The following DHX33 variants were observed in gnomAD, a reference collection of about 807,000 sequenced individuals.
DHX33 encodes the protein ATP-dependent RNA helicase DHX33.
A neutral mutation model predicts 72.5 loss-of-function variants in DHX33; 42 were observed. The ratio of observed to expected loss-of-function variants is 0.58; its 90% CI spans 0.45 to 0.75. DHX33 has a LOEUF of 0.75. DHX33 is among the 30% of genes least tolerant of loss of function. The pLI is 0.00. For synonymous variants in DHX33, 358 were observed against 366.1 expected (o/e 0.98, Z 0.25); for missense variants, 842 against 917.5 (o/e 0.92, Z 1.06).
rs7207405 is a variant in DHX33, at chr17:5,448,763, A to C, written c.1815+46T>G. On this transcript the variant is annotated intron_variant, in intron 11 of 11. Coordinates refer to ENST00000225296, the MANE Select transcript of DHX33 (RefSeq NM_020162.4). ...CAACTTCAAAATTTCTACCTTGAAC[A>C]AAGTGACAGCTTTGTCACCCACAGA... The C allele has an allele frequency of 1.6e-3, 2,316 of 1,461,732 alleles. 35 individuals carry two copies. The African/African-American group carries it at 0.03, about 19-fold the overall frequency. 90.5% of individuals were successfully genotyped at this position (1,461,732 alleles called of 1,614,324 possible).
At chr17:5,457,127 T>A (rs1350885541) in intron 4 of DHX33, among the ~76,000 whole-genome samples, 2 of 152,096 alleles carry the variant, frequency 1.3e-5, no homozygotes, top group Non-Finnish European at 2.9e-5. Flanking sequence ...ACCAACATGG[T>A]GAAACCCTGT....
chr17:5,453,467 C>T lies in DHX33; in HGVS notation c.1396+113G>A, dbSNP rs1007428960. ...CTCTAATAACTAATGTTGTCATCCA[C>T]AAAATTAAATAAACAAAAGGAGATG... On this transcript the variant is annotated intron_variant, in intron 8 of 11. Transcript: ENST00000225296. 2.9e-5 allele frequency: 24 copies of T among 839,324 alleles called. No homozygotes were observed. The Admixed American group carries it at 4.4e-4, about 15-fold the overall frequency. 52.0% of individuals were successfully genotyped at this position (839,324 alleles called of 1,614,324 possible).
At chr17:5,468,474 G>A in intron 1 of DHX33, 97 bp downstream of exon 1, 2 of 1,432,412 alleles carry the variant, frequency 1.4e-6, no homozygotes, top group Non-Finnish European at 1.9e-6. Flanking sequence ...GTTTGTTGAA[G>A]CCACGAACGA....
At position 5,453,620 on chromosome 17, in the gene DHX33, T is replaced by C. The variant is rs1404043891; in HGVS notation, c.1356A>G (p.Pro452=). The C allele has an allele frequency of 6.2e-7, 1 of 1,614,056 alleles. No homozygotes were observed. Among genetic ancestry groups the C allele is most frequent in the Non-Finnish European group, 8.5e-7 (1 of 1,180,046 alleles). Residue 452 remains proline (P), a synonymous_variant, in exon 8 of 12, where the codon CCA becomes CCG. Transcript: ENST00000225296. ...ACATGAAGTCAAAGGTGAGCACATT[T>C]GGGACTTTCATTGCTAGAAGCTGAA... ...VMLQLLAMKV[P]NVLTFDFMSK...
At position 5,451,128 on chromosome 17, in the gene DHX33, CAG is replaced by C. The variant is rs1384005279; in HGVS notation, c.1397-196_1397-195del. Among the ~76,000 whole-genome samples, 10 of 152,188 alleles carry C rather than the reference CAG, an allele frequency of 6.6e-5. 1 individual carries two copies. Among genetic ancestry groups the C allele is most frequent in the Admixed American group, 6.5e-4 (10 of 15,280 alleles). On this transcript the variant is annotated intron_variant, in intron 8 of 11. Transcript: ENST00000225296. ...TTCAATTCCCTTTTCTTTTTTGAGA[CAG>C]AGTCTTGCTCTGTTGCCCACACTGA... is the stretch of plus-strand genomic sequence containing the variant.
At chr17:5,463,077 C>CA (rs971085917) in intron 2 of DHX33, among the ~76,000 whole-genome samples, 105 of 132,404 alleles carry the variant, frequency 7.9e-4, no homozygotes, top group African/African-American at 1.5e-3. Flanking sequence ...AGACTATCTC[C>CA]AAAAAAAAAA....
chr17:5,461,130 G>C (rs1429616731), intron 3 of DHX33, 21 bp from the exon 4 acceptor site: 1 of 1,592,268 alleles, frequency 6.3e-7, no homozygotes, highest in Admixed American at 1.7e-5. Context: ...GAACGAAGAG[G>C]AGGACCAGAA....
Position 5,443,887 on chromosome 17 carries a change from TG to T in DHX33, c.*317del, listed in dbSNP as rs1916529376. The T allele has an allele frequency of 6.9e-6, 2 of 287,850 alleles. No homozygotes were observed. The highest frequency in any genetic ancestry group is 4.3e-5 in the African/African-American group (2 of 46,160). The allele number at this position is 287,850 out of a possible 1,614,324, so 17.8% of individuals were successfully genotyped here. A position where few individuals can be genotyped will look rare whatever the true frequency, so the allele number is the denominator to read the frequency against. On this transcript the variant is annotated 3_prime_UTR_variant, in exon 12 of 12. Transcript: ENST00000225296. ...TTCCATTCCTTTTCTCTAAACTTTA[TG>T]AACCCAATTTTATAAGGATTATTAT...
intron 1 of DHX33, among the ~76,000 whole-genome samples, chr17:5,464,656 T>C (rs567620502): frequency 6.6e-6 from 1 of 152,220 alleles, no homozygotes; most frequent in African/African-American, 2.4e-5. Flanking sequence ...AGAAAAAAAT[T>C]GGAAACAATA....
chr17:5,451,351 C>A (rs1567598771), intron 8 of DHX33, among the ~76,000 whole-genome samples: 1 of 152,168 alleles, frequency 6.6e-6, no homozygotes, highest in Non-Finnish European at 1.5e-5. Flanking sequence ...GTGATCTGCC[C>A]ACCTTGACCT....
intron 8 of DHX33, among the ~76,000 whole-genome samples, chr17:5,452,942 G>T (rs1441818517): frequency 6.6e-6 from 1 of 152,130 alleles, no homozygotes; most frequent in African/African-American, 2.4e-5. Context: ...TTAAGAAAAG[G>T]GGGGGCAATA....
At chr17:5,463,736 T>G (rs775516654) in intron 1 of DHX33, 47 bp from the exon 2 acceptor site, 3 of 1,533,760 alleles carry the variant, frequency 2.0e-6, no homozygotes, top group Non-Finnish European at 2.6e-6. Flanking sequence ...AAATGCAAAC[T>G]GGGGCTCGGC....
chr17:5,442,231 T>C lies in DHX33; in HGVS notation c.*1974A>G. On this transcript the variant is annotated 3_prime_UTR_variant, in exon 12 of 12. Coordinates refer to ENST00000225296, the MANE Select transcript of DHX33 (RefSeq NM_020162.4). ...TGCTGGGATTACAGGTGTGAGCCAC[T>C]GCGCCCGGCCACCCCCCAATTTTTT... 6.7e-6 allele frequency: 1 copy of C among 149,150 alleles called. No homozygotes were observed. The highest frequency in any genetic ancestry group is 2.0e-4 in the East Asian group (1 of 5,120). 9.2% of individuals were successfully genotyped at this position (149,150 alleles called of 1,614,324 possible). A position where few individuals can be genotyped will look rare whatever the true frequency, so the allele number is the denominator to read the frequency against.
chr17:5,468,265 C>T (rs987771981), intron 1 of DHX33, among the ~76,000 whole-genome samples: 1 of 152,236 alleles, frequency 6.6e-6, no homozygotes, highest in African/African-American at 2.4e-5. Context: ...TCCCCAGCCG[C>T]CTCCTCACAA....
chr17:5,462,394 G>T lies in DHX33; in HGVS notation c.603C>A (p.Ile201=), dbSNP rs775728038. The T allele has an allele frequency of 6.2e-7, 1 of 1,614,146 alleles. No homozygotes were observed. Among genetic ancestry groups the T allele is most frequent in the Non-Finnish European group, 8.5e-7 (1 of 1,180,026 alleles). The change falls in exon 3 of 12, where the codon ATC becomes ATA. Residue 201 remains isoleucine, a synonymous_variant. Transcript: ENST00000225296. ...VILDEAHERT[I]HTDVLFGVVK... is the part of the protein sequence containing the mutation. ...CCACTCCAAAGAGCACATCTGTGTG[G>T]ATAGTCCGTTCGTGAGCTTCATCCA...
At chr17:5,454,029 T>C (rs764410657) in intron 6 of DHX33, 49 bp from the exon 7 acceptor site, 10 of 1,593,548 alleles carry the variant, frequency 6.3e-6, no homozygotes, top group Non-Finnish European at 6.8e-6. Context: ...GAACAAACTC[T>C]TTCTACAGTG....
intron 4 of DHX33, among the ~76,000 whole-genome samples, chr17:5,456,862 T>C (rs1904343297): frequency 6.6e-6 from 1 of 152,200 alleles, no homozygotes; most frequent in African/African-American, 2.4e-5. Context: ...GAGCCTTTAA[T>C]GAATGACGCC....
In DHX33 at chr17:5,444,180, G is replaced by A. The variant is rs1292663612; in HGVS notation, c.*25C>T. 1.2e-6 allele frequency: 2 copies of A among 1,601,112 alleles called. No individual in the cohort carries two copies. The highest frequency in any genetic ancestry group is 1.7e-6 in the Non-Finnish European group (2 of 1,171,866). ...GTAGTCCAAGCTCCCAGGGACCAGT[G>A]ATTCTGGCGGCATCCTGGGGCGGCT... On this transcript the variant is annotated 3_prime_UTR_variant, in exon 12 of 12. Coordinates refer to ENST00000225296, the MANE Select transcript of DHX33 (RefSeq NM_020162.4). This position sits in a 1 kb window ranked among gnomAD's most constrained non-coding sequence, Gnocchi z 4.9.
At position 5,444,899 on chromosome 17, in the gene DHX33, A is replaced by G. The variant is rs1478475642; in HGVS notation, c.1816-386T>C. 6.6e-6 allele frequency among the ~76,000 whole-genome samples: 1 copy of G among 151,982 alleles called. No homozygotes were observed. The highest frequency in any genetic ancestry group is 1.5e-5 in the Non-Finnish European group (1 of 67,974). On this transcript the variant is annotated intron_variant, in intron 11 of 11. Coordinates refer to ENST00000225296, the MANE Select transcript of DHX33 (RefSeq NM_020162.4). This position sits in a 1 kb window ranked among gnomAD's most constrained non-coding sequence, Gnocchi z 4.9. ...ACCATCTCCTCACTCCGATTCACCC[A>G]CCTGCTGCTGCCAAGCTAATCTACC...
Sources: gnomAD v4.1 joint callset for allele counts (sites outside exome capture counted in the v4.1 genomes callset) on GRCh38, gnomAD v4.1.1 for gene constraint, Gnocchi (gnomAD v3.1) non-coding constraint, MANE v1.5 for transcripts, NCBI Gene and HGNC (gene_info 2026-07-23, HGNC 2026-07-21) for gene names.